Variants in PIK3R1 observed in about 807,000 individuals in gnomAD.
The protein encoded by PIK3R1 is phosphatidylinositol 3-kinase regulatory subunit alpha.
PIK3R1 carries 29 observed loss-of-function variants against 98.0 expected under a neutral mutation model. The observed-to-expected ratio is 0.30, with a 90% CI of 0.22 to 0.40. The LOEUF is 0.40. Ranked by LOEUF, PIK3R1 falls within the 10% of genes least tolerant of loss-of-function variation. The probability of loss-of-function intolerance (pLI) is 1.00; values close to 1 mark genes in which losing one functional copy is unlikely to be tolerated. For missense variants in PIK3R1, 596 were observed against 872.7 expected (o/e 0.68, Z 3.99); for synonymous variants, 282 against 311.8 (o/e 0.90, Z 1.01).
At chr5:68,222,274 A>G (rs545212252) in intron 1 of PIK3R1, among the ~76,000 whole-genome samples, 2 of 152,300 alleles carry the variant, frequency 1.3e-5, no homozygotes, top group East Asian at 3.9e-4. Context: ...ATTACCAAAT[A>G]CCTCAGGCTG....
chr5:68,234,357 A>G (rs1429619398), intron 2 of PIK3R1, among the ~76,000 whole-genome samples: 1 of 152,196 alleles, frequency 6.6e-6, no homozygotes, highest in Non-Finnish European at 1.5e-5. Flanking sequence ...ATATGAGAAT[A>G]AGGGAATGTA....
intron 2 of PIK3R1, among the ~76,000 whole-genome samples, chr5:68,252,237 G>C (rs568597092): frequency 6.6e-6 from 1 of 152,164 alleles, no homozygotes; most frequent in Non-Finnish European, 1.5e-5. Flanking sequence ...TCAGGCAGAC[G>C]TGAGCTTGCA....
At chr5:68,268,030 A>ATAAC (rs1054144552) in intron 2 of PIK3R1, among the ~76,000 whole-genome samples, 2 of 152,194 alleles carry the variant, frequency 1.3e-5, no homozygotes, top group Admixed American at 6.5e-5. Flanking sequence ...TCTAACAATA[A>ATAAC]TAACTACCTA....
At chr5:68,278,290 T>TA (rs775203676) in intron 4 of PIK3R1, among the ~76,000 whole-genome samples, 1 of 152,140 alleles carries the variant, frequency 6.6e-6, no homozygotes, top group Non-Finnish European at 1.5e-5. Context: ...AGATTAGTAA[T>TA]ACTCAGACAG....
intron 5 of PIK3R1, chr5:68,280,242 A>T (rs920914721): frequency 4.3e-6 from 2 of 460,316 alleles, no homozygotes; most frequent in Non-Finnish European, 7.7e-6. Flanking sequence ...AGCCAATCAC[A>T]CTTGAAGCTG....
chr5:68,244,852 A>T (rs901901670), intron 2 of PIK3R1, among the ~76,000 whole-genome samples: 1 of 152,206 alleles, frequency 6.6e-6, no homozygotes, highest in Non-Finnish European at 1.5e-5. Flanking sequence ...ATTCCATCTC[A>T]TAACATGTTC....
At chr5:68,277,608 A>G (rs1244466043) in intron 4 of PIK3R1, among the ~76,000 whole-genome samples, 1 of 152,140 alleles carries the variant, frequency 6.6e-6, no homozygotes, top group Non-Finnish European at 1.5e-5. Context: ...CTTAGGCTCA[A>G]CCTAGAATGA....
chr5:68,243,788 T>A (rs1744958684), intron 2 of PIK3R1, among the ~76,000 whole-genome samples: 1 of 152,210 alleles, frequency 6.6e-6, no homozygotes, highest in Admixed American at 6.5e-5. Context: ...AGATTCTGAA[T>A]AGTCTGCCAT....
chr5:68,263,333 A>C (rs1190726098), intron 2 of PIK3R1, among the ~76,000 whole-genome samples: 6 of 149,726 alleles, frequency 4.0e-5, no homozygotes, highest in African/African-American at 7.4e-5. Context: ...TTTTAAGTGC[A>C]TTGGTTTGGC....
At position 68,226,362 on chromosome 5, in the gene PIK3R1, G is replaced by C. The variant is rs1744276830; in HGVS notation, c.-314G>C. The stretch of plus-strand genomic sequence containing the variant: ...ACAGTGTGACAAAAGTGTCAGAAAG[G>C]ATTGGGCCTCGCTGTGAGAGTCAGC... On this transcript the variant is annotated 5_prime_UTR_variant, in exon 2 of 16. Coordinates refer to ENST00000521381, the MANE Select transcript of PIK3R1 (RefSeq NM_181523.3). The C allele has an allele frequency of 1.1e-5, 5 of 456,808 alleles. No homozygotes were observed. The highest frequency in any genetic ancestry group is 1.9e-5 in the Non-Finnish European group (5 of 259,584). 28.3% of individuals were successfully genotyped at this position (456,808 alleles called of 1,614,324 possible).
intron 4 of PIK3R1, among the ~76,000 whole-genome samples, chr5:68,274,570 C>T (rs1746496698): frequency 1.3e-5 from 2 of 151,974 alleles, no homozygotes. Context: ...AACCAACTCT[C>T]TAGGAAGAAA....
chr5:68,258,531 T>G (rs1745617472), intron 2 of PIK3R1, among the ~76,000 whole-genome samples: 1 of 152,222 alleles, frequency 6.6e-6, no homozygotes, highest in African/African-American at 2.4e-5. Flanking sequence ...ACTTTGTAAA[T>G]GAAATTATTG....
rs189263058 is a variant in PIK3R1, at chr5:68,236,324, A to C, written c.334+9315A>C. On this transcript the variant is annotated intron_variant, in intron 2 of 15. Coordinates refer to ENST00000521381, the MANE Select transcript of PIK3R1 (RefSeq NM_181523.3). ...GAGAGCAGTGGCACGATCTCGGCTC[A>C]CTGCAAGCTCCGCCTCCTGGGTTCA... 6.1e-3 allele frequency among the ~76,000 whole-genome samples: 922 copies of C among 151,744 alleles called. 4 individuals are homozygous for C. The highest frequency in any genetic ancestry group is 0.011 in the Non-Finnish European group (715 of 67,924).
At chr5:68,262,856 GAT>G (rs1745895512) in intron 2 of PIK3R1, among the ~76,000 whole-genome samples, 1 of 31,932 alleles carries the variant, frequency 3.1e-5, no homozygotes, top group Non-Finnish European at 6.1e-5. Context: ...GATACATGTA[GAT>G]ACATGTATAC....
intron 2 of PIK3R1, among the ~76,000 whole-genome samples, chr5:68,239,704 C>T (rs1323868736): frequency 6.6e-6 from 1 of 152,206 alleles, no homozygotes; most frequent in Non-Finnish European, 1.5e-5. Flanking sequence ...AATGTTCACA[C>T]TGCTTGATGC....
intron 1 of PIK3R1, among the ~76,000 whole-genome samples, chr5:68,222,521 C>A (rs140742748): frequency 6.6e-6 from 1 of 152,204 alleles, no homozygotes; most frequent in Non-Finnish European, 1.5e-5. Context: ...AAGTGGGCAG[C>A]CTTCCAGAAG....
In PIK3R1 at chr5:68,279,495, A is replaced by AT. The variant is rs58796984; in HGVS notation, c.503-92dup. The AT allele has an allele frequency of 0.019, 12,520 of 671,836 alleles. 170 individuals carry two copies. Among genetic ancestry groups the AT allele is most frequent in the African/African-American group, 0.087 (4,529 of 51,786 alleles). 41.6% of individuals were successfully genotyped at this position (671,836 alleles called of 1,614,324 possible). ...GTATTTATCCTCATATTGCTTCCTT[A>AT]TTTTTTTTTTTTTTTGTCACATGTG... On this transcript the variant is annotated intron_variant, in intron 4 of 15. Coordinates refer to ENST00000521381, the MANE Select transcript of PIK3R1 (RefSeq NM_181523.3).
chr5:68,231,949 C>T (rs1744494944), intron 2 of PIK3R1, among the ~76,000 whole-genome samples: 1 of 152,094 alleles, frequency 6.6e-6, no homozygotes, highest in Non-Finnish European at 1.5e-5. Context: ...AAGATAAGGG[C>T]CTTTGAGCTC....
At chr5:68,262,744 T>C (rs1465678067) in intron 2 of PIK3R1, among the ~76,000 whole-genome samples, 2 of 142,678 alleles carry the variant, frequency 1.4e-5, no homozygotes, top group Non-Finnish European at 1.5e-5. Flanking sequence ...TGTAGATGCA[T>C]GTAGATACAT....
Sources: gnomAD v4.1 joint callset for allele counts (sites outside exome capture counted in the v4.1 genomes callset) on GRCh38, gnomAD v4.1.1 for gene constraint, MANE v1.5 for transcripts, NCBI Gene and HGNC (gene_info 2026-07-23, HGNC 2026-07-21) for gene names.